The following KCNIP4 variants were observed in gnomAD, a reference collection of about 807,000 sequenced individuals.
The protein encoded by KCNIP4 is Kv channel-interacting protein 4.
Under a neutral mutation model 34.0 loss-of-function variants are expected in KCNIP4, and 12 were observed. That is an observed-to-expected ratio of 0.35 (90% CI 0.23 to 0.57). KCNIP4 has a LOEUF of 0.57. Among genes scored for constraint, KCNIP4 ranks in the 20% least tolerant of loss-of-function variants. KCNIP4 has a pLI of 0.83. For missense variants in KCNIP4, 238 were observed against 311.7 expected (o/e 0.76, Z 1.78); for synonymous variants, 124 against 102.2 (o/e 1.21, Z -1.29).
intron 1 of KCNIP4, among the ~76,000 whole-genome samples, chr4:21,032,386 C>T (rs1741102560): frequency 6.6e-6 from 1 of 152,080 alleles, no homozygotes; most frequent in Admixed American, 6.6e-5. Flanking sequence ...ATCAACCTTT[C>T]TGCACAAGTT....
intron 1 of KCNIP4, among the ~76,000 whole-genome samples, chr4:21,144,398 G>T (rs914816177): frequency 6.6e-6 from 1 of 152,060 alleles, no homozygotes; most frequent in African/African-American, 2.4e-5. Flanking sequence ...AATTTACAGG[G>T]CAAGGACTGT....
At chr4:21,125,793 G>C (rs1179866766) in intron 1 of KCNIP4, among the ~76,000 whole-genome samples, 7 of 152,092 alleles carry the variant, frequency 4.6e-5, no homozygotes, top group Non-Finnish European at 5.9e-5. Context: ...GATTAAGGGT[G>C]AAGTAAAAAG....
intron 1 of KCNIP4, among the ~76,000 whole-genome samples, chr4:21,082,597 C>T (rs1233576769): frequency 6.6e-6 from 1 of 151,186 alleles, no homozygotes; most frequent in Non-Finnish European, 1.5e-5. Flanking sequence ...CTGAAATTTA[C>T]AGTGTCTGGG....
intron 1 of KCNIP4, among the ~76,000 whole-genome samples, chr4:21,766,852 T>G (rs1718453479): frequency 6.6e-6 from 1 of 152,142 alleles, no homozygotes; most frequent in Admixed American, 6.6e-5. Flanking sequence ...CTTGTGTAAT[T>G]ACAAATCCAT....
chr4:20,999,412 GTGTTTTTTTTTTTTGTTTGTTTTT>G (rs1409848321), intron 1 of KCNIP4, among the ~76,000 whole-genome samples: 5 of 49,326 alleles, frequency 1.0e-4, no homozygotes, highest in Admixed American at 2.6e-4. Flanking sequence ...TGTTGTGGTG[GTGTTTTTTTTTTTTGTTTGTTTTT>G]TGTTTTTTTT....
rs145190147 is a variant in KCNIP4 at position 21,276,994 on chromosome 4, A to T, written c.62-394285T>A. Among the ~76,000 whole-genome samples, 484 of 152,340 alleles carry T rather than the reference A, an allele frequency of 3.2e-3. 5 individuals carry two copies. The highest frequency in any genetic ancestry group is 0.011 in the African/African-American group (452 of 41,584). ...GGATGATAAGTGTGATAAAAGCCAT[A>T]TGCTAAGCACGGTGTGAAGTCAAGA... is the stretch of plus-strand genomic sequence containing the variant. On this transcript the variant is annotated intron_variant, in intron 1 of 8. Transcript: ENST00000382152.
At chr4:21,794,164 C>T (rs1013441529) in intron 1 of KCNIP4, among the ~76,000 whole-genome samples, 2 of 152,060 alleles carry the variant, frequency 1.3e-5, no homozygotes, top group African/African-American at 4.8e-5. Flanking sequence ...AGGAGATATA[C>T]CTAATGTAAA....
chr4:20,770,121 A>G (rs567762908), intron 3 of KCNIP4, among the ~76,000 whole-genome samples: 1 of 152,248 alleles, frequency 6.6e-6, no homozygotes, highest in African/African-American at 2.4e-5. Flanking sequence ...TCTGAACATC[A>G]GTTCATTTTG....
In KCNIP4 at chr4:21,113,455, T is replaced by TAAAAAAAA. The variant is rs56676152; in HGVS notation, c.62-230754_62-230747dup. ...GAGGTTGTGCATCTATCTATAAGTT[T>TAAAAAAAA]AAAAAAAAAAAAAAAAAAAAAAAAA... On this transcript the variant is annotated intron_variant, in intron 1 of 8. Transcript: ENST00000382152. Among the ~76,000 whole-genome samples the TAAAAAAAA allele has an allele frequency of 1.7e-3, 106 of 62,362 alleles. 1 individual carries two copies. The highest frequency in any genetic ancestry group is 2.6e-3 in the Non-Finnish European group (91 of 35,548). The allele number at this position is 62,362 out of a possible 152,430, so 40.9% of individuals were successfully genotyped here.
At chr4:21,029,764 C>T (rs1430410637) in intron 1 of KCNIP4, among the ~76,000 whole-genome samples, 1 of 152,110 alleles carries the variant, frequency 6.6e-6, no homozygotes, top group African/African-American at 2.4e-5. Context: ...AGGTGAGTGG[C>T]CCATGTTGAC....
chr4:20,987,620 C>T (rs1560624849), intron 1 of KCNIP4, among the ~76,000 whole-genome samples: 1 of 152,116 alleles, frequency 6.6e-6, no homozygotes, highest in Non-Finnish European at 1.5e-5. Context: ...AGGGACATAA[C>T]CAGGATTTAT....
intron 4 of KCNIP4, among the ~76,000 whole-genome samples, chr4:20,753,447 C>G (rs950436507): frequency 4.6e-5 from 7 of 152,086 alleles, no homozygotes; most frequent in African/African-American, 1.7e-4. Context: ...AGTTCTTAAC[C>G]CAATTATATC....
At chr4:21,539,069 G>T (rs1191743454) in intron 1 of KCNIP4, among the ~76,000 whole-genome samples, 1 of 152,146 alleles carries the variant, frequency 6.6e-6, no homozygotes, top group Non-Finnish European at 1.5e-5. Context: ...CTGCCGCCTT[G>T]TGAAGCAAGG....
intron 1 of KCNIP4, among the ~76,000 whole-genome samples, chr4:20,988,047 C>CT (rs1438070668): frequency 5.6e-5 from 8 of 142,052 alleles, no homozygotes; most frequent in South Asian, 2.2e-4. Flanking sequence ...TAATTTAATC[C>CT]TTTTATAGTT....
intron 1 of KCNIP4, among the ~76,000 whole-genome samples, chr4:21,123,842 T>C (rs557649092): frequency 6.6e-6 from 1 of 152,202 alleles, no homozygotes; most frequent in South Asian, 2.1e-4. Flanking sequence ...TGTGAATGTA[T>C]AGCAAGCATG....
chr4:21,303,850 A>G, intron 1 of KCNIP4: 1 of 1,614,094 alleles, frequency 6.2e-7, no homozygotes, highest in Non-Finnish European at 8.5e-7. Flanking sequence ...CCAATAATTT[A>G]ACAAAAAGCA....
intron 1 of KCNIP4, among the ~76,000 whole-genome samples, chr4:21,268,695 G>A (rs1349798829): frequency 6.6e-6 from 1 of 152,148 alleles, no homozygotes; most frequent in Non-Finnish European, 1.5e-5. Flanking sequence ...TTTGAGCAAG[G>A]AACACCTCAT....
chr4:21,902,198 C>A (rs980561536), intron 1 of KCNIP4, among the ~76,000 whole-genome samples: 1 of 152,044 alleles, frequency 6.6e-6, no homozygotes, highest in Non-Finnish European at 1.5e-5. Flanking sequence ...CATATAAGAT[C>A]TGGGAGTTGA....
intron 2 of KCNIP4, among the ~76,000 whole-genome samples, chr4:20,853,968 G>A (rs10938813): frequency 0.35 from 53,161 of 151,934 alleles, 10,358 homozygotes; most frequent in Admixed American, 0.46. Flanking sequence ...TCCAACAATG[G>A]CCATAATCAA....
Sources: gnomAD v4.1 joint callset for allele counts (sites outside exome capture counted in the v4.1 genomes callset) on GRCh38, gnomAD v4.1.1 for gene constraint, MANE v1.5 for transcripts, NCBI Gene and HGNC (gene_info 2026-07-23, HGNC 2026-07-21) for gene names.